The following PTPN2 variants were observed in gnomAD, a reference collection of about 807,000 sequenced individuals.
PTPN2 encodes tyrosine-protein phosphatase non-receptor type 2.
PTPN2 carries 19 observed loss-of-function variants against 57.3 expected under a neutral mutation model. That is an observed-to-expected ratio of 0.33 (90% CI 0.23 to 0.49). PTPN2 has a LOEUF of 0.49. Among genes scored for constraint, PTPN2 ranks in the 20% least tolerant of loss-of-function variants. The pLI is 0.99. For synonymous variants in PTPN2, 153 were observed against 164.9 expected (o/e 0.93, Z 0.55); for missense variants, 358 against 501.1 (o/e 0.71, Z 2.73).
At chr18:12,801,841 T>C in intron 8 of PTPN2, 129 bp downstream of exon 8, 2 of 934,724 alleles carry the variant, frequency 2.1e-6, no homozygotes, top group South Asian at 1.7e-5. Context: ...AGTGTTGAGA[T>C]TACAGGCGTG....
downstream of PTPN2, chr18:12,792,107 T>C: frequency 1.6e-6 from 1 of 633,458 alleles, no homozygotes; most frequent in Non-Finnish European, 2.0e-6. Flanking sequence ...CCTCTCCATT[T>C]CAAGGTTACA....
intron 1 of PTPN2, 38 bp downstream of exon 1, chr18:12,884,035 G>A (rs887879737): frequency 5.2e-6 from 8 of 1,534,382 alleles, no homozygotes; most frequent in African/African-American, 1.4e-5. Context: ...CCGGGTCTCG[G>A]AGGAGGTCGG....
At chr18:12,840,940 T>C in intron 2 of PTPN2, 1 of 1,501,280 alleles carries the variant, frequency 6.7e-7, no homozygotes, top group Non-Finnish European at 8.9e-7. Context: ...CATGATGAAC[T>C]GGTCTGTTCC....
At chr18:12,794,508 G>C in intron 8 of PTPN2, 23 bp from the exon 9 acceptor site, 1 of 1,608,286 alleles carries the variant, frequency 6.2e-7, no homozygotes, top group Non-Finnish European at 8.5e-7. Context: ...AAAAACAAGT[G>C]AAAGGAAGTG....
intron 5 of PTPN2, chr18:12,819,331 T>A: frequency 2.3e-6 from 2 of 855,842 alleles, no homozygotes; most frequent in Non-Finnish European, 3.5e-6. Flanking sequence ...TGATCATGGT[T>A]TCTACGCTTT....
At chr18:12,788,452 T>TTTTTTA (rs1555654857), downstream of PTPN2, among the ~76,000 whole-genome samples, 7 of 148,504 alleles carry the variant, frequency 4.7e-5, no homozygotes, top group African/African-American at 7.5e-5. Flanking sequence ...TTTTTTTTTT[T>TTTTTTA]AAATAGAGTG....
intron 1 of PTPN2, among the ~76,000 whole-genome samples, chr18:12,882,907 C>CT (rs554787165): frequency 3.7e-4 from 56 of 152,242 alleles, no homozygotes; most frequent in African/African-American, 1.3e-3. Flanking sequence ...TTAACTTAAC[C>CT]GTCACCAAAT....
intron 3 of PTPN2, among the ~76,000 whole-genome samples, chr18:12,834,070 T>C (rs2042764598): frequency 6.6e-6 from 1 of 152,210 alleles, no homozygotes; most frequent in Admixed American, 6.5e-5. Context: ...CTCACCCCTG[T>C]AATCCCAGCA....
intron 2 of PTPN2, among the ~76,000 whole-genome samples, chr18:12,845,501 T>C (rs114175924): frequency 0.011 from 1,746 of 152,322 alleles, 42 homozygotes; most frequent in African/African-American, 0.04. Context: ...GTTGTTAATA[T>C]ACAGGAATAC....
intron 7 of PTPN2, among the ~76,000 whole-genome samples, chr18:12,807,582 A>AT (rs764663687): frequency 0.078 from 4,775 of 61,146 alleles, 277 homozygotes; most frequent in Non-Finnish European, 0.13. Flanking sequence ...AAAAAAAAAA[A>AT]AAAAATATAT....
intron 6 of PTPN2, 64 bp downstream of exon 6, chr18:12,817,092 C>T: frequency 1.4e-6 from 2 of 1,436,588 alleles, no homozygotes; most frequent in East Asian, 2.3e-5. Context: ...TTATTCACTG[C>T]CAGTGGAAGC....
chr18:12,786,225 C>A, intron 9 of PTPN2: 1 of 211,302 alleles, frequency 4.7e-6, no homozygotes, highest in South Asian at 9.1e-5. Context: ...ATACTATGTG[C>A]TAGACTTACC....
At chr18:12,839,664 C>T (rs1257706317) in intron 2 of PTPN2, 2 of 152,178 alleles carry the variant, frequency 1.3e-5, no homozygotes, top group Non-Finnish European at 1.5e-5. Flanking sequence ...GCACTAGTAG[C>T]AGAACTATCA....
In PTPN2 at chr18:12,850,015, C is replaced by T. The variant is rs144721842; in HGVS notation, c.160+9149G>A. Among the ~76,000 whole-genome samples, 502 of 152,124 alleles carry T rather than the reference C, an allele frequency of 3.3e-3. 3 individuals are homozygous for T. Among genetic ancestry groups the T allele is most frequent in the Non-Finnish European group, 5.3e-3 (361 of 68,000 alleles). On this transcript the variant is annotated intron_variant, in intron 2 of 8. Coordinates refer to ENST00000309660, the MANE Select transcript of PTPN2 (RefSeq NM_002828.4). ...TCTTTCTTGTTTGATTGATCGTGCT[C>T]GATCTTGACAGAGTTGATCAGTCTT... is the stretch of plus-strand genomic sequence containing the variant.
Position 12,796,381 on chromosome 18 carries a change from A to C in PTPN2, c.1041-1896T>G, listed in dbSNP as rs144980913. Among the ~76,000 whole-genome samples the C allele has an allele frequency of 4.0e-3, 613 of 152,326 alleles. 3 individuals are homozygous for C. The highest frequency in any genetic ancestry group is 0.014 in the African/African-American group (599 of 41,574). On this transcript the variant is annotated intron_variant, in intron 8 of 8. Coordinates refer to ENST00000309660, the MANE Select transcript of PTPN2 (RefSeq NM_002828.4). The stretch of plus-strand genomic sequence containing the variant: ...AAATGAGTAAACTTTATGCTATATA[A>C]ATTATATTTCCATAAAACTTTATTA...
In PTPN2 at chr18:12,814,454, C is replaced by T. The variant is rs2041998532; in HGVS notation, c.706-99G>A. 1.8e-5 allele frequency: 18 copies of T among 1,002,820 alleles called. No homozygotes were observed. The South Asian group carries it at 3.1e-4, about 17-fold the overall frequency. 62.1% of individuals were successfully genotyped at this position (1,002,820 alleles called of 1,614,324 possible). On this transcript the variant is annotated intron_variant, in intron 6 of 8. Coordinates refer to ENST00000309660, the MANE Select transcript of PTPN2 (RefSeq NM_002828.4). Reference sequence around the variant, plus strand: ...CTAAGATTTTTGCTATGCATTTTCTCCTCTGAAAGAACAACGATAATTTAA... The same window carrying T: ...CTAAGATTTTTGCTATGCATTTTCTTCTCTGAAAGAACAACGATAATTTAA...
At chr18:12,854,917 G>A (rs1004294717) in intron 2 of PTPN2, among the ~76,000 whole-genome samples, 4 of 152,124 alleles carry the variant, frequency 2.6e-5, no homozygotes, top group African/African-American at 9.7e-5. Context: ...TTGAGAGGCC[G>A]AGGTGGGCCA....
intron 8 of PTPN2, among the ~76,000 whole-genome samples, chr18:12,799,759 G>C (rs571634398): frequency 1.3e-5 from 2 of 151,944 alleles, no homozygotes; most frequent in African/African-American, 2.4e-5. Context: ...TTTAAAATTC[G>C]TATGTCCAAG....
chr18:12,877,314 G>C (rs760491791), intron 1 of PTPN2, among the ~76,000 whole-genome samples: 10 of 152,134 alleles, frequency 6.6e-5, no homozygotes, highest in Non-Finnish European at 1.3e-4. Flanking sequence ...TCTAATAAAA[G>C]AATATAGAGA....
Sources: gnomAD v4.1 joint callset for allele counts (sites outside exome capture counted in the v4.1 genomes callset) on GRCh38, gnomAD v4.1.1 for gene constraint, MANE v1.5 for transcripts, NCBI Gene and HGNC (gene_info 2026-07-23, HGNC 2026-07-21) for gene names.